Variants in KCNQ5 observed in about 807,000 individuals in gnomAD.
KCNQ5 encodes potassium voltage-gated channel subfamily Q member 5, also known as potassium voltage-gated channel subfamily KQT member 5.
KCNQ5 carries 30 observed loss-of-function variants against 98.2 expected under a neutral mutation model. The observed-to-expected ratio is 0.31, with a 90% CI of 0.23 to 0.41. KCNQ5 has a LOEUF of 0.41. Ranked by LOEUF, KCNQ5 falls within the 10% of genes least tolerant of loss-of-function variation. The pLI, the probability that KCNQ5 is intolerant of heterozygous loss-of-function variation, is 1.00. For synonymous variants in KCNQ5, 458 were observed against 449.4 expected, an observed-to-expected ratio of 1.02 and a Z score of -0.24; for missense variants, 835 against 1,182.5, an observed-to-expected ratio of 0.71 and a Z score of 4.31.
Position 72,896,286 on chromosome 6 carries a change from A to C in KCNQ5, c.399-107622A>C, listed in dbSNP as rs369916601. Among the ~76,000 whole-genome samples, 4 of 152,212 alleles carry C rather than the reference A, an allele frequency of 2.6e-5. No homozygotes were observed. In the East Asian group the frequency reaches 5.8e-4, roughly 22 times the overall value. On this transcript the variant is annotated intron_variant, in intron 1 of 13. Transcript: ENST00000370398. ...AAAAGCACGTTGGAAATGGCAGACA[A>C]AAAGCAAGTTTTAACTTTGCATGTT...
chr6:72,876,920 C>A (rs1007163468), intron 1 of KCNQ5, among the ~76,000 whole-genome samples: 1 of 152,146 alleles, frequency 6.6e-6, no homozygotes, highest in Non-Finnish European at 1.5e-5. Context: ...CATGGCAGAG[C>A]CAGTGATCAC....
chr6:72,717,928 A>G (rs1582162683), intron 1 of KCNQ5, among the ~76,000 whole-genome samples: 3 of 152,298 alleles, frequency 2.0e-5, no homozygotes, highest in South Asian at 2.1e-4. Context: ...TACTACCAAG[A>G]GTAGTTGGAT....
intron 1 of KCNQ5, among the ~76,000 whole-genome samples, chr6:72,656,874 G>T (rs755626091): frequency 2.6e-5 from 4 of 152,022 alleles, no homozygotes; most frequent in African/African-American, 9.7e-5. Flanking sequence ...AGATTTTATT[G>T]TACAACACCA....
Position 73,133,283 on chromosome 6 carries a change from A to G in KCNQ5, c.1248-138A>G, listed in dbSNP as rs1335532028. On this transcript the variant is annotated intron_variant, in intron 9 of 13. Transcript: ENST00000370398. ...AGCTCAAATTTTAAATAAGGGAAAA[A>G]TAATTGCTATGCTCCTACGTGCTGA... is the stretch of plus-strand genomic sequence containing the variant. 4.3e-6 allele frequency: 3 copies of G among 694,544 alleles called. No individual in the cohort carries two copies. The African/African-American group carries it at 5.4e-5, about 13-fold the overall frequency. 43.0% of individuals were successfully genotyped at this position (694,544 alleles called of 1,614,324 possible).
chr6:73,029,900 G>A (rs1385409511), intron 2 of KCNQ5, among the ~76,000 whole-genome samples: 6 of 82,382 alleles, frequency 7.3e-5, no homozygotes, highest in African/African-American at 2.1e-4. Flanking sequence ...GCCAGACTCC[G>A]TCTCAAAAAA....
At chr6:72,733,799 A>G (rs1400240611) in intron 1 of KCNQ5, among the ~76,000 whole-genome samples, 3 of 152,200 alleles carry the variant, frequency 2.0e-5, no homozygotes, top group Admixed American at 2.0e-4. Flanking sequence ...TAATTGAGGA[A>G]TGAGTTGCCT....
chr6:72,787,425 C>A (rs1240026623), intron 1 of KCNQ5, among the ~76,000 whole-genome samples: 1 of 152,006 alleles, frequency 6.6e-6, no homozygotes, highest in African/African-American at 2.4e-5. Flanking sequence ...GTTTGCCAAA[C>A]CCATGTTATG....
intron 1 of KCNQ5, among the ~76,000 whole-genome samples, chr6:72,891,259 A>G (rs956391274): frequency 1.3e-5 from 2 of 152,238 alleles, no homozygotes; most frequent in Non-Finnish European, 1.5e-5. Context: ...TCAGTAAAGT[A>G]GTTGACAAAA....
intron 11 of KCNQ5, among the ~76,000 whole-genome samples, chr6:73,187,366 C>T (rs1026454556): frequency 6.6e-6 from 1 of 152,178 alleles, no homozygotes; most frequent in Non-Finnish European, 1.5e-5. Context: ...GCCTAATAAC[C>T]ACCAAAATTC....
At chr6:73,073,625 G>T (rs1329848048) in intron 3 of KCNQ5, among the ~76,000 whole-genome samples, 2 of 152,156 alleles carry the variant, frequency 1.3e-5, no homozygotes, top group Non-Finnish European at 2.9e-5. Flanking sequence ...ATGGATGGAT[G>T]GTCAGATGAA....
At chr6:72,733,061 T>G (rs1197593632) in intron 1 of KCNQ5, among the ~76,000 whole-genome samples, 2 of 152,148 alleles carry the variant, frequency 1.3e-5, no homozygotes, top group Non-Finnish European at 2.9e-5. Flanking sequence ...GGGGTTAAGA[T>G]GCTAGTTGGA....
At position 72,778,408 on chromosome 6, in the gene KCNQ5, C is replaced by T. The variant is rs898323848; in HGVS notation, c.398+155821C>T. On this transcript the variant is annotated intron_variant, in intron 1 of 13. Transcript: ENST00000370398. ...TAAAAATTAGCCGGGCATGGTGGCA[C>T]TTACCTGTGGTTCCAGCTACTCGGG... is the stretch of plus-strand genomic sequence containing the variant. Among the ~76,000 whole-genome samples the T allele has an allele frequency of 4.6e-5, 7 of 152,072 alleles. No individual in the cohort carries two copies. The East Asian group carries it at 5.8e-4, about 13-fold the overall frequency.
chr6:73,189,916 C>T (rs1765521642), intron 11 of KCNQ5, among the ~76,000 whole-genome samples: 1 of 151,244 alleles, frequency 6.6e-6, no homozygotes, highest in East Asian at 1.9e-4. Context: ...CCTGTAGTCC[C>T]AGCACTTAGG....
intron 1 of KCNQ5, among the ~76,000 whole-genome samples, chr6:72,840,829 C>G (rs1776756857): frequency 6.6e-6 from 1 of 152,156 alleles, no homozygotes; most frequent in Non-Finnish European, 1.5e-5. Context: ...TGAGCAGCAG[C>G]TCTGATAATG....
intron 1 of KCNQ5, among the ~76,000 whole-genome samples, chr6:72,709,002 A>C (rs979191955): frequency 2.0e-5 from 3 of 152,160 alleles, no homozygotes; most frequent in Non-Finnish European, 4.4e-5. Context: ...GTTTTTATTA[A>C]GTTACTTCTA....
chr6:72,851,648 A>G (rs1777262119), intron 1 of KCNQ5, among the ~76,000 whole-genome samples: 1 of 152,146 alleles, frequency 6.6e-6, no homozygotes. Flanking sequence ...ATATATATTC[A>G]ACTGATTTGA....
At chr6:72,880,872 A>C (rs973415099) in intron 1 of KCNQ5, among the ~76,000 whole-genome samples, 2 of 152,122 alleles carry the variant, frequency 1.3e-5, no homozygotes, top group African/African-American at 4.8e-5. Flanking sequence ...TATTGCTTTT[A>C]CTAGAATGTC....
At chr6:72,911,657 C>T (rs1278399747) in intron 1 of KCNQ5, among the ~76,000 whole-genome samples, 7 of 151,958 alleles carry the variant, frequency 4.6e-5, no homozygotes, top group Non-Finnish European at 8.8e-5. Context: ...AATTATGATG[C>T]TGTTGAGAAA....
intron 1 of KCNQ5, among the ~76,000 whole-genome samples, chr6:72,692,014 C>T (rs575606122): frequency 6.6e-6 from 1 of 152,296 alleles, no homozygotes; most frequent in East Asian, 1.9e-4. Flanking sequence ...AGAGAGTCTT[C>T]ATATAGAATG....
Sources: gnomAD v4.1 joint callset for allele counts (sites outside exome capture counted in the v4.1 genomes callset) on GRCh38, gnomAD v4.1.1 for gene constraint, MANE v1.5 for transcripts, NCBI Gene and HGNC (gene_info 2026-07-23, HGNC 2026-07-21) for gene names.